PLD4: variants seen among roughly 807,000 people sequenced by gnomAD.
PLD4 encodes the protein phospholipase D family member 4, also known as 5'-3' exonuclease PLD4.
Under a neutral mutation model 52.3 loss-of-function variants are expected in PLD4, and 54 were observed. The ratio of observed to expected loss-of-function variants is 1.03; its 90% CI spans 0.83 to 1.30. The LOEUF is 1.30. Ranked by LOEUF, PLD4 falls within the 50% of genes most tolerant of loss-of-function variation. The pLI, the probability that PLD4 is intolerant of heterozygous loss-of-function variation, is 0.00. For synonymous variants in PLD4, 264 were observed against 286.5 expected, an observed-to-expected ratio of 0.92 and a Z score of 0.79; for missense variants, 731 against 671.1, an observed-to-expected ratio of 1.09 and a Z score of -0.99.
intron 1 of PLD4, among the ~76,000 whole-genome samples, chr14:104,925,850 G>A (rs1418831524): frequency 6.6e-6 from 1 of 152,092 alleles, no homozygotes; most frequent in Non-Finnish European, 1.5e-5. Context: ...CCAGCGTGGG[G>A]GGAGTTGGGC....
Position 104,927,170 on chromosome 14 carries a change from G to A in PLD4, c.30G>A (p.Val10=). Reference sequence around the variant, plus strand: ...TGAAGCCTCTTTGGAAAGCAGCAGTGGCCCCCACATGGCCATGCTCCATGC... The same window carrying A: ...TGAAGCCTCTTTGGAAAGCAGCAGTAGCCCCCACATGGCCATGCTCCATGC... MLKPLWKAA[V]APTWPCSMPP... Residue 10 remains valine (V), a synonymous_variant, in exon 2 of 11, where the codon GTG becomes GTA. Coordinates refer to ENST00000392593, the MANE Select transcript of PLD4 (RefSeq NM_138790.5). The A allele has an allele frequency of 1.9e-6, 3 of 1,561,882 alleles. No homozygotes were observed. Among genetic ancestry groups the A allele is most frequent in the Non-Finnish European group, 1.7e-6 (2 of 1,153,380 alleles).
Position 104,931,763 on chromosome 14 carries a change from C to T in PLD4, c.934C>T (p.Leu312Phe), listed in dbSNP as rs1897650565. ...CCCGTCACAGGCGTCGCCACCAGCA[C>T]TCTGTCCCCAGGGCCGCACCCGGGA... is the stretch of plus-strand genomic sequence containing the variant. Reference protein sequence around the residue: ...TAYFSASPPALCPQGRTRDLE... With the variant: ...TAYFSASPPAFCPQGRTRDLE... The change falls in exon 8 of 11, where the codon CTC becomes TTC. Residue 312 changes from leucine (L) to phenylalanine (F), a missense_variant. Coordinates refer to ENST00000392593, the MANE Select transcript of PLD4 (RefSeq NM_138790.5). The T allele has an allele frequency of 2.5e-6, 4 of 1,589,324 alleles. No homozygotes were observed. Among genetic ancestry groups the T allele is most frequent in the East Asian group, 4.6e-5 (2 of 43,880 alleles).
At position 104,932,958 on chromosome 14, in the gene PLD4, G is replaced by T. The variant is rs866486653; in HGVS notation, c.1515G>T (p.Gln505His). 1 of 1,579,460 alleles carries T rather than the reference G, an allele frequency of 6.3e-7. No homozygotes were observed. Among genetic ancestry groups the T allele is most frequent in the South Asian group, 1.1e-5 (1 of 87,174 alleles). The stretch of plus-strand genomic sequence containing the variant: ...CTCCGGGCCAGGACTGCGTTTGGCA[G>T]GGCTGAGGGGGGCCTCTTTTTCTCT... Reference protein sequence around the residue: ...GQAPGQDCVWQG With the variant: ...GQAPGQDCVWHG Residue 505 changes from glutamine to histidine, a missense_variant, in exon 11 of 11, where the codon CAG (glutamine) becomes CAT (histidine). By Grantham distance (24) the Gln-to-His change is conservative. Coordinates refer to ENST00000392593, the MANE Select transcript of PLD4 (RefSeq NM_138790.5). This position sits in a 1 kb window ranked among gnomAD's most constrained non-coding sequence, Gnocchi z 6.5.
rs372617011 is a variant in PLD4, at chr14:104,928,795, G to A, written c.331G>A (p.Gly111Ser). The change falls in exon 4 of 11, where the codon GGC (glycine) becomes AGC (serine). Residue 111 changes from glycine (G) to serine (S), a missense_variant. Physicochemically the swap from Gly to Ser is moderately conservative, Grantham distance 56 (BLOSUM62 0). Coordinates refer to ENST00000392593, the MANE Select transcript of PLD4 (RefSeq NM_138790.5). Reference protein sequence around the residue: ...SIPQDLPSAAGSPSAQPLGQA... With the variant: ...SIPQDLPSAASSPSAQPLGQA... ...CCCCCAGGACCTGCCATCTGCAGCC[G>A]GCAGCCCCTCTGCCCAGCCTCTGGG... The A allele has an allele frequency of 1.7e-5, 27 of 1,607,952 alleles. No individual in the cohort carries two copies. The highest frequency in any genetic ancestry group is 5.5e-5 in the South Asian group (5 of 90,904).
At chr14:104,928,039 C>CG (rs1297976806) in intron 3 of PLD4, among the ~76,000 whole-genome samples, 173 bp downstream of exon 3, 1 of 152,078 alleles carries the variant, frequency 6.6e-6, no homozygotes, top group Non-Finnish European at 1.5e-5. Context: ...GGGCTGGGGA[C>CG]GGGGCAGGCG....
At position 104,927,240 on chromosome 14, in the gene PLD4, G is replaced by A. The variant is rs879928837; in HGVS notation, c.90+10G>A. ...CAGAGAGGCTGGCACGGTAGGACTG[G>A]GGGGCCCCAGGGGGGAGGTGGCTGG... is the stretch of plus-strand genomic sequence containing the variant. On this transcript the variant is annotated intron_variant, in intron 2 of 10. Transcript: ENST00000392593. 17 of 1,531,736 alleles carry A rather than the reference G, an allele frequency of 1.1e-5. No homozygotes were observed. The highest frequency in any genetic ancestry group is 1.5e-5 in the Non-Finnish European group (17 of 1,137,802). The allele number at this position is 1,531,736 out of a possible 1,614,324, so 94.9% of individuals were successfully genotyped here. A position where few individuals can be genotyped will look rare whatever the true frequency, so the allele number is the denominator to read the frequency against.
downstream of PLD4, chr14:104,936,209 C>G (rs1226513474): frequency 6.6e-6 from 1 of 152,168 alleles, no homozygotes; most frequent in African/African-American, 2.4e-5. Context: ...GGGACAAAAG[C>G]CCCATGGAGC....
chr14:104,926,056 CGAACCCCAG>C (rs1199535575), intron 1 of PLD4, among the ~76,000 whole-genome samples: 1 of 152,144 alleles, frequency 6.6e-6, no homozygotes, highest in Non-Finnish European at 1.5e-5. Flanking sequence ...ACAGCCCAGA[CGAACCCCAG>C]AGGCCTGGAG....
chr14:104,927,007 G>A, intron 1 of PLD4, 134 bp from the exon 2 acceptor site: 4 of 729,482 alleles, frequency 5.5e-6, no homozygotes, highest in South Asian at 7.4e-5. Flanking sequence ...GTGACCTCGG[G>A]CATGAGTGGG....
At position 104,928,943 on chromosome 14, in the gene PLD4, C is replaced by A; in HGVS notation, c.468+11C>A. The A allele has an allele frequency of 6.3e-7, 1 of 1,581,846 alleles. No homozygotes were observed. The highest frequency in any genetic ancestry group is 8.6e-7 in the Non-Finnish European group (1 of 1,156,888). ...TCGTCTTCCCAGCTGGTGCGCCCCG[C>A]CCTGGCCCCACCGCATCCTGGTGCT... is the stretch of plus-strand genomic sequence containing the variant. On this transcript the variant is annotated intron_variant, in intron 4 of 10. Coordinates refer to ENST00000392593, the MANE Select transcript of PLD4 (RefSeq NM_138790.5).
intron 1 of PLD4, among the ~76,000 whole-genome samples, chr14:104,925,511 G>A (rs1897424340): frequency 2.0e-5 from 3 of 152,060 alleles, no homozygotes; most frequent in Admixed American, 6.5e-5. Flanking sequence ...CTGCCCGTCT[G>A]CCTGGAGCAT....
At chr14:104,925,493 G>A (rs1897423526) in intron 1 of PLD4, among the ~76,000 whole-genome samples, 1 of 152,132 alleles carries the variant, frequency 6.6e-6, no homozygotes, top group Non-Finnish European at 1.5e-5. Flanking sequence ...GCGCCTCTGT[G>A]CTCTGAGCTG....
At chr14:104,930,700 G>C (rs756373980) in intron 6 of PLD4, 42 bp from the exon 7 acceptor site, 2 of 1,606,112 alleles carry the variant, frequency 1.2e-6, no homozygotes, top group Non-Finnish European at 1.7e-6. Context: ...AGGCCCCACA[G>C]AGGGGTTTTT....
chr14:104,927,324 G>A (rs1897490266), intron 2 of PLD4, 94 bp downstream of exon 2: 6 of 1,137,120 alleles, frequency 5.3e-6, no homozygotes, highest in African/African-American at 1.6e-5. Flanking sequence ...CAGCCTTGAG[G>A]GGGCCTCCAA....
Position 104,932,449 on chromosome 14 carries a change from A to G in PLD4, c.1321+94A>G. ...TTGTGACCGGCGTGGACACCTCAGGAGGGAGGGGCTGCTGCTGAAGGGGGA... is the reference window on the plus strand; with the variant it reads ...TTGTGACCGGCGTGGACACCTCAGGGGGGAGGGGCTGCTGCTGAAGGGGGA... On this transcript the variant is annotated intron_variant, in intron 10 of 10. Coordinates refer to ENST00000392593, the MANE Select transcript of PLD4 (RefSeq NM_138790.5). The surrounding 1 kb of genome is among the most constrained non-coding windows in gnomAD (Gnocchi z 6.5). The G allele has an allele frequency of 7.2e-7, 1 of 1,392,188 alleles. No individual in the cohort carries two copies. Among genetic ancestry groups the G allele is most frequent in the Admixed American group, 1.8e-5 (1 of 54,338 alleles). 86.2% of individuals were successfully genotyped at this position (1,392,188 alleles called of 1,614,324 possible). A position where few individuals can be genotyped will look rare whatever the true frequency, so the allele number is the denominator to read the frequency against.
Position 104,932,915 on chromosome 14 carries a change from T to G in PLD4, c.1472T>G (p.Val491Gly), listed in dbSNP as rs770063557. 6.2e-7 allele frequency: 1 copy of G among 1,602,132 alleles called. No individual in the cohort carries two copies. Among genetic ancestry groups the G allele is most frequent in the East Asian group, 2.2e-5 (1 of 44,448 alleles). Residue 491 changes from valine (V) to glycine (G), a missense_variant, in exon 11 of 11, where the codon GTC becomes GGC. Coordinates refer to ENST00000392593, the MANE Select transcript of PLD4 (RefSeq NM_138790.5). This position sits in a 1 kb window ranked among gnomAD's most constrained non-coding sequence, Gnocchi z 6.5. The part of the protein sequence containing the change: ...FERDWSSRYA[V>G]GLDGQAPGQD... ...CGGGACTGGAGTTCGCGCTACGCCG[T>G]CGGCCTGGACGGACAGGCTCCGGGC...
At chr14:104,928,492 G>C (rs1897530390) in intron 3 of PLD4, among the ~76,000 whole-genome samples, 1 of 152,206 alleles carries the variant, frequency 6.6e-6, no homozygotes, top group African/African-American at 2.4e-5. Flanking sequence ...CTCTGGACCA[G>C]GCAGCCCCTC....
In PLD4 at chr14:104,932,375, G is replaced by A. The variant is rs199965311; in HGVS notation, c.1321+20G>A. 2,110 of 1,610,724 alleles carry A rather than the reference G, an allele frequency of 1.3e-3. 5 individuals carry two copies. Among genetic ancestry groups the A allele is most frequent in the Non-Finnish European group, 1.6e-3 (1,845 of 1,178,504 alleles). On this transcript the variant is annotated intron_variant, in intron 10 of 10. Coordinates refer to ENST00000392593, the MANE Select transcript of PLD4 (RefSeq NM_138790.5). The surrounding 1 kb of genome is among the most constrained non-coding windows in gnomAD (Gnocchi z 6.5). ...ACATAGGTGAGCGCGATCAGATCAC[G>A]GCGGGCGGGCCCCAGGGTGGCCAGG...
downstream of PLD4, chr14:104,936,254 AGCTT>A (rs1897807406): frequency 6.6e-6 from 1 of 152,166 alleles, no homozygotes; most frequent in South Asian, 2.1e-4. Context: ...GCACTCACCT[AGCTT>A]GTCTGGCACA....
Sources: allele counts gnomAD v4.1 joint callset (sites outside exome capture counted in the v4.1 genomes callset), GRCh38; gene constraint gnomAD v4.1.1; non-coding constraint Gnocchi (gnomAD v3.1); transcripts MANE v1.5; gene names NCBI Gene and HGNC (gene_info 2026-07-23, HGNC 2026-07-21).